The following FHIT variants were observed in gnomAD, a reference collection of about 807,000 sequenced individuals.
FHIT encodes fragile histidine triad diadenosine triphosphatase.
In FHIT, 19 loss-of-function variants were observed where a neutral mutation model predicts 17.9. The ratio of observed to expected loss-of-function variants is 1.06; its 90% confidence interval spans 0.74 to 1.56. The LOEUF is 1.56. Ranked by LOEUF, FHIT falls within the 40% of genes most tolerant of loss-of-function variation. The probability of loss-of-function intolerance (pLI) is 0.00; values close to 1 mark genes in which losing one functional copy is unlikely to be tolerated. For synonymous variants in FHIT, 81 were observed against 69.7 expected (o/e 1.16, Z -0.81); for missense variants, 248 against 189.2 (o/e 1.31, Z -1.82).
chr3:59,901,809 T>G (rs1403457688), intron 8 of FHIT, among the ~76,000 whole-genome samples: 1 of 152,080 alleles, frequency 6.6e-6, no homozygotes, highest in Admixed American at 6.5e-5. Flanking sequence ...AAAACATATA[T>G]CCACACAAAC....
At chr3:60,872,453 C>T (rs1474382033) in intron 3 of FHIT, among the ~76,000 whole-genome samples, 2 of 151,966 alleles carry the variant, frequency 1.3e-5, no homozygotes, top group Non-Finnish European at 2.9e-5. Context: ...CTTTTGCTCC[C>T]CCTCCTTCTT....
At chr3:60,783,882 C>T (rs55897133) in intron 4 of FHIT, among the ~76,000 whole-genome samples, 9,706 of 152,146 alleles carry the variant, frequency 0.064, 378 homozygotes, top group African/African-American at 0.11. Flanking sequence ...CCCTTTCTCC[C>T]GGATATTTAA....
At chr3:60,161,969 CAAG>C (rs1700960659) in intron 5 of FHIT, among the ~76,000 whole-genome samples, 1 of 152,084 alleles carries the variant, frequency 6.6e-6, no homozygotes, top group South Asian at 2.1e-4. Context: ...ATGCTAACAG[CAAG>C]AAGAAGGTAA....
chr3:59,925,045 A>G, intron 7 of FHIT, among the ~76,000 whole-genome samples: 1 of 142,968 alleles, frequency 7.0e-6, no homozygotes, highest in Admixed American at 6.9e-5. Flanking sequence ...CTTTCCTTCT[A>G]TCTTTTCTCT....
At chr3:60,842,647 T>A (rs1252228207) in intron 3 of FHIT, among the ~76,000 whole-genome samples, 2,893 of 92,274 alleles carry the variant, frequency 0.031, 57 homozygotes, top group East Asian at 0.11. Flanking sequence ...ATATATATAT[T>A]TTTTTTTTTT....
chr3:60,399,630 T>G (rs1467050565), intron 5 of FHIT, among the ~76,000 whole-genome samples: 1 of 152,194 alleles, frequency 6.6e-6, no homozygotes, highest in African/African-American at 2.4e-5. Flanking sequence ...TTTCAGAGGA[T>G]AAATTACTTT....
intron 5 of FHIT, among the ~76,000 whole-genome samples, chr3:60,094,092 G>A (rs894890461): frequency 6.6e-6 from 1 of 151,964 alleles, no homozygotes; most frequent in Non-Finnish European, 1.5e-5. Flanking sequence ...AAAAAATATT[G>A]AAGATTAAAA....
intron 5 of FHIT, among the ~76,000 whole-genome samples, chr3:60,016,008 T>C (rs62238373): frequency 0.04 from 6,077 of 152,304 alleles, 151 homozygotes; most frequent in South Asian, 0.078. Flanking sequence ...TGTTTTAAAA[T>C]AATATCACAG....
In FHIT at chr3:59,929,363, G is replaced by GTTTT. The variant is rs869243844; in HGVS notation, c.280-6953_280-6950dup. ...GAAATCTTCACGTATTGTTTTTTTG[G>GTTTT]TTTTTTTTTTTTTTTTTTTTTTTTT... On this transcript the variant is annotated intron_variant, in intron 7 of 9. Transcript: ENST00000492590. Among the ~76,000 whole-genome samples, 419 of 67,066 alleles carry GTTTT rather than the reference G, an allele frequency of 6.2e-3. 10 individuals are homozygous for GTTTT. The highest frequency in any genetic ancestry group is 0.022 in the East Asian group (52 of 2,360). The allele number at this position is 67,066 out of a possible 152,430, so 44.0% of individuals were successfully genotyped here. A position where few individuals can be genotyped will look rare whatever the true frequency, so the allele number is the denominator to read the frequency against.
intron 5 of FHIT, among the ~76,000 whole-genome samples, chr3:60,402,010 A>AT (rs1227450475): frequency 6.6e-6 from 1 of 152,150 alleles, no homozygotes; most frequent in East Asian, 1.9e-4. Flanking sequence ...TGTCACTTCC[A>AT]TGGCCCTAAC....
chr3:60,150,781 T>C (rs1700431841), intron 5 of FHIT, among the ~76,000 whole-genome samples: 1 of 152,062 alleles, frequency 6.6e-6, no homozygotes, highest in African/African-American at 2.4e-5. Flanking sequence ...TAGCCAAGCA[T>C]GGTGGCGCAT....
chr3:60,454,845 G>C (rs760333193), intron 5 of FHIT, among the ~76,000 whole-genome samples: 2 of 151,910 alleles, frequency 1.3e-5, no homozygotes, highest in Non-Finnish European at 2.9e-5. Flanking sequence ...ACTTATCCAG[G>C]GTTGTAAAGA....
rs141528698 is a variant in FHIT, at chr3:59,770,656, T to A, written c.349-18335A>T. ...CTGTAAAACGACAAATTTCCATTGT[T>A]TAAGCCACCCACCCAGGTTGTGGTA... On this transcript the variant is annotated intron_variant, in intron 8 of 9. Coordinates refer to ENST00000492590, the MANE Select transcript of FHIT (RefSeq NM_002012.4). 5.3e-5 allele frequency among the ~76,000 whole-genome samples: 8 copies of A among 152,290 alleles called. No homozygotes were observed. The East Asian group carries it at 1.2e-3, about 22-fold the overall frequency.
chr3:60,018,831 A>AC (rs1553651654), intron 5 of FHIT, among the ~76,000 whole-genome samples: 2 of 151,834 alleles, frequency 1.3e-5, no homozygotes, highest in East Asian at 3.9e-4. Context: ...TACAAAAAAA[A>AC]CAGCTGGGCA....
intron 5 of FHIT, among the ~76,000 whole-genome samples, chr3:60,022,399 A>G (rs375764678): frequency 2.6e-5 from 4 of 152,346 alleles, no homozygotes; most frequent in East Asian, 3.9e-4. Flanking sequence ...GGTGAAGCTC[A>G]AGGAATACAG....
chr3:60,307,165 A>C (rs1311674553), intron 5 of FHIT, among the ~76,000 whole-genome samples: 1 of 152,186 alleles, frequency 6.6e-6, no homozygotes, highest in African/African-American at 2.4e-5. Flanking sequence ...CTCTCATCTC[A>C]CAGAGGAGGA....
intron 5 of FHIT, among the ~76,000 whole-genome samples, chr3:60,314,845 G>A (rs1402103909): frequency 6.6e-6 from 1 of 152,106 alleles, no homozygotes; most frequent in Non-Finnish European, 1.5e-5. Flanking sequence ...AGCACTTTAG[G>A]AGGCCAATGC....
At chr3:60,226,112 G>T (rs1267096026) in intron 5 of FHIT, among the ~76,000 whole-genome samples, 1 of 152,146 alleles carries the variant, frequency 6.6e-6, no homozygotes, top group African/African-American at 2.4e-5. Context: ...TCCATTTGGG[G>T]AAGAAGGTCC....
chr3:60,453,791 G>T (rs564407991), intron 5 of FHIT, among the ~76,000 whole-genome samples: 2 of 152,074 alleles, frequency 1.3e-5, no homozygotes, highest in African/African-American at 2.4e-5. Flanking sequence ...GATAATAATT[G>T]TATTTTTATT....
Sources: allele counts gnomAD v4.1 joint callset (sites outside exome capture counted in the v4.1 genomes callset), GRCh38; gene constraint gnomAD v4.1.1; transcripts MANE v1.5; gene names NCBI Gene and HGNC (gene_info 2026-07-23, HGNC 2026-07-21).